The following GSKIP variants were observed in gnomAD, a reference collection of about 807,000 sequenced individuals.
GSKIP encodes GSK3B interacting protein, also known as GSK3B-interacting protein.
A neutral mutation model predicts 11.9 loss-of-function variants in GSKIP; 5 were observed. That is an observed-to-expected ratio of 0.42 (90% CI 0.22 to 0.89). The LOEUF is 0.89. Ranked by LOEUF, GSKIP falls within the 40% of genes least tolerant of loss-of-function variation. The pLI is 0.29. For missense variants in GSKIP, 150 were observed against 166.6 expected, an observed-to-expected ratio of 0.90 and a Z score of 0.55; for synonymous variants, 70 against 62.9, an observed-to-expected ratio of 1.11 and a Z score of -0.54.
rs543784373 is a variant in GSKIP at position 96,376,057 on chromosome 14, G to C, written c.-102-3631G>C. Among the ~76,000 whole-genome samples, 15 of 152,332 alleles carry C rather than the reference G, an allele frequency of 9.8e-5. 1 individual carries two copies. In the Middle Eastern group the frequency reaches 0.017, roughly 173 times the overall value. Reference sequence around the variant, plus strand: ...CATTGGAAATTGAATTTCAACATGAGTTTTGGAGGGGACAAGTATTCATAC... The same window carrying C: ...CATTGGAAATTGAATTTCAACATGACTTTTGGAGGGGACAAGTATTCATAC... On this transcript the variant is annotated intron_variant, in intron 1 of 3. Coordinates refer to ENST00000555181, the MANE Select transcript of GSKIP (RefSeq NM_016472.5).
intron 1 of GSKIP, among the ~76,000 whole-genome samples, chr14:96,375,538 AT>A (rs1425791817): frequency 6.6e-6 from 1 of 150,838 alleles, no homozygotes; most frequent in Non-Finnish European, 1.5e-5. Flanking sequence ...GGTTCAAGCG[AT>A]TCTCCTGCCT....
chr14:96,384,848 TTA>T (rs1889446791), intron 3 of GSKIP: 1 of 152,094 alleles, frequency 6.6e-6, no homozygotes, highest in Non-Finnish European at 1.5e-5. Context: ...ACATGTTCTT[TTA>T]TCTCACAGAA....
intron 1 of GSKIP, among the ~76,000 whole-genome samples, chr14:96,371,557 G>A (rs971447929): frequency 1.3e-5 from 2 of 148,704 alleles, no homozygotes; most frequent in Non-Finnish European, 1.5e-5. Flanking sequence ...AGATTCTCCC[G>A]CCTCAGCCTC....
chr14:96,373,700 T>C (rs575604369), intron 1 of GSKIP, among the ~76,000 whole-genome samples: 1 of 152,134 alleles, frequency 6.6e-6, no homozygotes, highest in Non-Finnish European at 1.5e-5. Flanking sequence ...TCGTAATTCA[T>C]AGGGCATTGG....
At chr14:96,375,478 G>A (rs1218635981) in intron 1 of GSKIP, among the ~76,000 whole-genome samples, 1 of 148,344 alleles carries the variant, frequency 6.7e-6, no homozygotes, top group Non-Finnish European at 1.5e-5. Flanking sequence ...CTGTTGCCCC[G>A]GCTAGAGTAC....
chr14:96,375,668 G>T (rs746931330), intron 1 of GSKIP, among the ~76,000 whole-genome samples: 1 of 152,102 alleles, frequency 6.6e-6, no homozygotes, highest in African/African-American at 2.4e-5. Flanking sequence ...TCCTGACCTC[G>T]TGATCCACCC....
rs1483833687 is a variant in GSKIP, at chr14:96,379,697, G to A, written c.-93G>A. 6.6e-6 allele frequency: 1 copy of A among 152,158 alleles called. No homozygotes were observed. Among genetic ancestry groups the A allele is most frequent in the Non-Finnish European group, 1.5e-5 (1 of 68,026 alleles). 9.4% of individuals were successfully genotyped at this position (152,158 alleles called of 1,614,324 possible). On this transcript the variant is annotated 5_prime_UTR_variant, in exon 2 of 4. Coordinates refer to ENST00000555181, the MANE Select transcript of GSKIP (RefSeq NM_016472.5). ...TTCCTCTTTTTTGCAGCTCGGTGCTGATTATCACAACTGTTTGGTGACCTA... is the reference window on the plus strand; with the variant it reads ...TTCCTCTTTTTTGCAGCTCGGTGCTAATTATCACAACTGTTTGGTGACCTA...
At chr14:96,374,253 AAAAT>A (rs1397801609) in intron 1 of GSKIP, among the ~76,000 whole-genome samples, 1 of 152,208 alleles carries the variant, frequency 6.6e-6, no homozygotes, top group Non-Finnish European at 1.5e-5. Flanking sequence ...AACAGTGAAA[AAAAT>A]AAATACAGCA....
At chr14:96,385,416 G>T (rs1172895784) in intron 3 of GSKIP, 107 bp from the exon 4 acceptor site, 2 of 851,178 alleles carry the variant, frequency 2.3e-6, no homozygotes, top group Non-Finnish European at 3.7e-6. Context: ...GCTAGGAAAA[G>T]AAATAATTTA....
chr14:96,385,462 G>T, intron 3 of GSKIP, 61 bp from the exon 4 acceptor site: 2 of 1,368,124 alleles, frequency 1.5e-6, no homozygotes, highest in Admixed American at 2.0e-5. Flanking sequence ...ATAAACACTT[G>T]GATTTTGCTT....
chr14:96,382,606 G>T (rs139436089), intron 3 of GSKIP, 101 bp downstream of exon 3: 1 of 713,912 alleles, frequency 1.4e-6, no homozygotes, highest in Non-Finnish European at 2.1e-6. Flanking sequence ...AAGAGAACTG[G>T]ATATTCAGTA....
chr14:96,368,283 G>A (rs150200915), intron 1 of GSKIP, among the ~76,000 whole-genome samples: 9 of 150,678 alleles, frequency 6.0e-5, no homozygotes, highest in African/African-American at 1.7e-4. Flanking sequence ...AGGTTCAACC[G>A]ATCCTCCTAC....
chr14:96,377,379 T>C (rs1479676716), intron 1 of GSKIP, among the ~76,000 whole-genome samples: 1 of 152,236 alleles, frequency 6.6e-6, no homozygotes, highest in African/African-American at 2.4e-5. Flanking sequence ...GGTAACCTGA[T>C]GGCAGTTCTA....
chr14:96,369,453 A>C (rs1888985916), intron 1 of GSKIP, among the ~76,000 whole-genome samples: 1 of 152,188 alleles, frequency 6.6e-6, no homozygotes, highest in African/African-American at 2.4e-5. Context: ...GTATTTCAGA[A>C]ATCTCCTAGG....
At chr14:96,379,036 G>C (rs1180677404) in intron 1 of GSKIP, 2 of 152,470 alleles carry the variant, frequency 1.3e-5, no homozygotes, top group Admixed American at 6.5e-5. Context: ...TGACCAAGAA[G>C]TCCGGGCGCA....
At position 96,385,913 on chromosome 14, in the gene GSKIP, CAT is replaced by C. The variant is rs1889478771; in HGVS notation, c.*230_*231del. 2.3e-6 allele frequency: 1 copy of C among 437,562 alleles called. No individual in the cohort carries two copies. The highest frequency in any genetic ancestry group is 4.1e-6 in the Non-Finnish European group (1 of 241,884). 27.1% of individuals were successfully genotyped at this position (437,562 alleles called of 1,614,324 possible). A position where few individuals can be genotyped will look rare whatever the true frequency, so the allele number is the denominator to read the frequency against. On this transcript the variant is annotated 3_prime_UTR_variant, in exon 4 of 4. Transcript: ENST00000555181. ...TATGATACCATCATTAAGACATTCA[CAT>C]GTCTTCATATAATATCTCTTCATTT...
chr14:96,376,128 G>A (rs1889196606), intron 1 of GSKIP, among the ~76,000 whole-genome samples: 1 of 152,144 alleles, frequency 6.6e-6, no homozygotes, highest in African/African-American at 2.4e-5. Context: ...GGATGAAAAA[G>A]CAGGACCACA....
intron 1 of GSKIP, among the ~76,000 whole-genome samples, chr14:96,371,948 A>T (rs1595346960): frequency 2.0e-5 from 3 of 152,240 alleles, no homozygotes; most frequent in African/African-American, 4.8e-5. Context: ...TTAGGGCTAT[A>T]CTTCTAAAAC....
Position 96,382,254 on chromosome 14 carries a change from A to G in GSKIP, c.7A>G (p.Thr3Ala), listed in dbSNP as rs1271761626. Reference protein sequence around the residue: METDCNPMELSSM... With the variant: MEADCNPMELSSM... ...TTTTTTTTTTTTTTACAGAATGGAAACAGACTGTAATCCCATGGAGCTAAG... is the reference window on the plus strand; with the variant it reads ...TTTTTTTTTTTTTTACAGAATGGAAGCAGACTGTAATCCCATGGAGCTAAG... The change falls in exon 3 of 4, where the codon ACA (threonine) becomes GCA (alanine). Residue 3 changes from threonine to alanine, a missense_variant. By Grantham distance (58) the Thr-to-Ala change is moderately conservative. Coordinates refer to ENST00000555181, the MANE Select transcript of GSKIP (RefSeq NM_016472.5). The G allele has an allele frequency of 6.3e-7, 1 of 1,581,348 alleles. No individual in the cohort carries two copies. Among genetic ancestry groups the G allele is most frequent in the African/African-American group, 1.4e-5 (1 of 73,066 alleles).
Sources: allele counts gnomAD v4.1 joint callset (sites outside exome capture counted in the v4.1 genomes callset), GRCh38; gene constraint gnomAD v4.1.1; transcripts MANE v1.5; gene names NCBI Gene and HGNC (gene_info 2026-07-23, HGNC 2026-07-21).